The following MAP2 variants were observed in gnomAD, a reference collection of about 807,000 sequenced individuals.
MAP2 encodes the protein microtubule associated protein 2.
MAP2 carries 14 observed loss-of-function variants against 137.6 expected under a neutral mutation model. The ratio of observed to expected loss-of-function variants is 0.10; its 90% CI spans 0.07 to 0.16. MAP2 has a LOEUF of 0.16. Ranked by LOEUF, MAP2 falls within the 10% of genes least tolerant of loss-of-function variation. The pLI is 1.00. For synonymous variants in MAP2, 786 were observed against 782.3 expected (o/e 1.00, Z -0.08); for missense variants, 2,088 against 2,191.5 (o/e 0.95, Z 0.94).
At chr2:209,604,726 T>G (rs1477878283) in intron 3 of MAP2, among the ~76,000 whole-genome samples, 2 of 152,196 alleles carry the variant, frequency 1.3e-5, no homozygotes, top group Admixed American at 1.3e-4. Context: ...TGTTAAGTTC[T>G]TTTATTGCTT....
At chr2:209,668,945 T>C (rs1350121781) in intron 5 of MAP2, among the ~76,000 whole-genome samples, 1 of 152,094 alleles carries the variant, frequency 6.6e-6, no homozygotes, top group African/African-American at 2.4e-5. Context: ...TGAAACATGA[T>C]TATCTGATTA....
At chr2:209,712,820 C>G (rs1179130510) in intron 13 of MAP2, among the ~76,000 whole-genome samples, 1 of 152,004 alleles carries the variant, frequency 6.6e-6, no homozygotes, top group Admixed American at 6.6e-5. Context: ...TAGAAATTAT[C>G]AAAATGACAT....
At chr2:209,495,998 G>A (rs2059704964) in intron 1 of MAP2, among the ~76,000 whole-genome samples, 1 of 152,128 alleles carries the variant, frequency 6.6e-6, no homozygotes, top group Admixed American at 6.6e-5. Context: ...GGCCTTTTTA[G>A]CCTTAACTTT....
chr2:209,669,385 T>C (rs1445009902), intron 5 of MAP2, among the ~76,000 whole-genome samples: 1 of 152,056 alleles, frequency 6.6e-6, no homozygotes, highest in Non-Finnish European at 1.5e-5. Context: ...TCCAAAGATT[T>C]CTAAGTTATG....
intron 2 of MAP2, among the ~76,000 whole-genome samples, chr2:209,524,347 C>T (rs1409039499): frequency 2.0e-5 from 3 of 150,882 alleles, no homozygotes; most frequent in Non-Finnish European, 4.4e-5. Flanking sequence ...TTATTTTTAA[C>T]ACACATAATC....
intron 2 of MAP2, among the ~76,000 whole-genome samples, chr2:209,510,344 T>C (rs2061578514): frequency 6.6e-6 from 1 of 152,040 alleles, no homozygotes; most frequent in Non-Finnish European, 1.5e-5. Flanking sequence ...TATTTCACCA[T>C]TTACTCATTG....
intron 5 of MAP2, among the ~76,000 whole-genome samples, chr2:209,656,476 C>A (rs2095155756): frequency 1.3e-5 from 2 of 151,960 alleles, no homozygotes; most frequent in African/African-American, 4.8e-5. Context: ...GGCCACTGCA[C>A]TTCTGCCTAG....
At chr2:209,477,897 C>T (rs751422188) in intron 1 of MAP2, among the ~76,000 whole-genome samples, 3 of 150,556 alleles carry the variant, frequency 2.0e-5, no homozygotes, top group African/African-American at 7.3e-5. Flanking sequence ...CCAGCTACTG[C>T]GGAGGCTGAG....
chr2:209,552,228 CTT>C (rs34006754), intron 2 of MAP2, among the ~76,000 whole-genome samples: 2 of 151,196 alleles, frequency 1.3e-5, no homozygotes, highest in African/African-American at 4.9e-5. Flanking sequence ...GCCTTTTAAA[CTT>C]TTTTTTTGTT....
At chr2:209,702,575 T>C (rs1450162679) in intron 11 of MAP2, among the ~76,000 whole-genome samples, 1 of 152,036 alleles carries the variant, frequency 6.6e-6, no homozygotes, top group Non-Finnish European at 1.5e-5. Context: ...TTTAAATTGC[T>C]CTTTATTAGG....
At chr2:209,600,003 G>A (rs113342831) in intron 3 of MAP2, among the ~76,000 whole-genome samples, 66 of 152,238 alleles carry the variant, frequency 4.3e-4, no homozygotes, top group African/African-American at 1.4e-3. Flanking sequence ...AAACAAGGTA[G>A]GTGCTCAGTT....
chr2:209,453,838 C>A (rs1011822708), intron 1 of MAP2, among the ~76,000 whole-genome samples: 7 of 151,986 alleles, frequency 4.6e-5, no homozygotes, highest in African/African-American at 1.4e-4. Flanking sequence ...TATATGATAA[C>A]CTTTCTACTG....
intron 2 of MAP2, among the ~76,000 whole-genome samples, chr2:209,567,594 GA>G (rs1166081872): frequency 1.3e-5 from 2 of 149,742 alleles, no homozygotes; most frequent in Non-Finnish European, 3.0e-5. Context: ...ACCATGCCTA[GA>G]AAAAAAATTG....
rs566583740 is a variant in MAP2 at position 209,649,190 on chromosome 2, T to A, written c.-29-3952T>A. On this transcript the variant is annotated intron_variant, in intron 4 of 15. Transcript: ENST00000682079. ...CTGCACCCAGCTAATTAAAAAAAAA[T>A]TTTTTTGTAGAGATGGGGGTCTCAC... is the stretch of plus-strand genomic sequence containing the variant. Among the ~76,000 whole-genome samples, 206 of 145,072 alleles carry A rather than the reference T, an allele frequency of 1.4e-3. 1 individual carries two copies. Among genetic ancestry groups the A allele is most frequent in the African/African-American group, 3.0e-3 (110 of 36,294 alleles).
rs200048191 is a variant in MAP2 at position 209,695,189 on chromosome 2, C to A, written c.3019C>A (p.Pro1007Thr). Residue 1007 changes from proline (P) to threonine (T), a missense_variant, in exon 8 of 16, where the codon CCA becomes ACA. Transcript: ENST00000682079. ...EQALAKDLSI[P>T]TDASSEKAEK... ...AGCTTTGGCCAAAGATTTGTCAATA[C>A]CAACAGATGCATCCTCTGAGAAAGC... 1.9e-4 allele frequency: 310 copies of A among 1,613,966 alleles called. No individual in the cohort carries two copies. The highest frequency in any genetic ancestry group is 2.6e-4 in the Non-Finnish European group (303 of 1,180,010).
At chr2:209,614,421 G>A (rs1338022086) in intron 3 of MAP2, among the ~76,000 whole-genome samples, 2 of 151,908 alleles carry the variant, frequency 1.3e-5, no homozygotes, top group East Asian at 3.9e-4. Flanking sequence ...TCTATGCCAA[G>A]TCCCCCATCT....
chr2:209,435,020 T>C (rs1695563821), intron 1 of MAP2, among the ~76,000 whole-genome samples: 1 of 149,122 alleles, frequency 6.7e-6, no homozygotes, highest in Non-Finnish European at 1.5e-5. Flanking sequence ...TGGAATTATA[T>C]CCAAAATATG....
chr2:209,728,131 T>G, intron 14 of MAP2, among the ~76,000 whole-genome samples: 1 of 152,042 alleles, frequency 6.6e-6, no homozygotes, highest in East Asian at 1.9e-4. Context: ...AGACCTTGTC[T>G]CCAAAAATAA....
chr2:209,425,597 G>A (rs1692339192), intron 1 of MAP2, among the ~76,000 whole-genome samples: 1 of 152,174 alleles, frequency 6.6e-6, no homozygotes, highest in Admixed American at 6.5e-5. Flanking sequence ...AAAATGATCA[G>A]TCTAGAAAAG....
Sources: allele counts gnomAD v4.1 joint callset (sites outside exome capture counted in the v4.1 genomes callset), GRCh38; gene constraint gnomAD v4.1.1; transcripts MANE v1.5; gene names NCBI Gene and HGNC (gene_info 2026-07-23, HGNC 2026-07-21).